Variants in DOK6 observed in about 807,000 individuals in gnomAD.
The protein encoded by DOK6 is downstream of tyrosine kinase 6.
A neutral mutation model predicts 44.0 loss-of-function variants in DOK6; 22 were observed. The observed-to-expected ratio is 0.50, with a 90% confidence interval of 0.36 to 0.71. DOK6 has a LOEUF of 0.71. Ranked by LOEUF, DOK6 falls within the 30% of genes least tolerant of loss-of-function variation. The probability of loss-of-function intolerance (pLI) is 0.00; values close to 1 mark genes in which losing one functional copy is unlikely to be tolerated. For missense variants in DOK6, 340 were observed against 416.4 expected (o/e 0.82, Z 1.60); for synonymous variants, 166 against 145.5 (o/e 1.14, Z -1.01).
intron 2 of DOK6, among the ~76,000 whole-genome samples, chr18:69,591,715 G>C (rs1247624194): frequency 6.6e-6 from 1 of 151,962 alleles, no homozygotes; most frequent in Non-Finnish European, 1.5e-5. Context: ...AACCATAATG[G>C]ATAAAAGACT....
chr18:69,664,657 G>A (rs919736773), intron 3 of DOK6, among the ~76,000 whole-genome samples: 2 of 152,038 alleles, frequency 1.3e-5, no homozygotes, highest in Non-Finnish European at 2.9e-5. Context: ...AGGCACTCAG[G>A]GCTTCTCAGA....
chr18:69,700,745 T>G (rs72965531), intron 5 of DOK6, among the ~76,000 whole-genome samples: 13,815 of 152,240 alleles, frequency 0.091, 737 homozygotes, highest in Non-Finnish European at 0.13. Context: ...GGGAAGGTCT[T>G]GTCCATACTT....
intron 1 of DOK6, among the ~76,000 whole-genome samples, chr18:69,520,224 G>C (rs1238086523): frequency 6.6e-6 from 1 of 151,516 alleles, no homozygotes; most frequent in African/African-American, 2.4e-5. Flanking sequence ...AAAAAATAAT[G>C]CTTTTTAAAG....
rs368830588 is a variant in DOK6, at chr18:69,579,819, TGGAGAGATTCTCTCACGA to T, written c.174+15234_174+15251del. 1.3e-3 allele frequency among the ~76,000 whole-genome samples: 201 copies of T among 152,202 alleles called. 1 individual carries two copies. The highest frequency in any genetic ancestry group is 4.5e-3 in the African/African-American group (186 of 41,540). On this transcript the variant is annotated intron_variant, in intron 2 of 7. Coordinates refer to ENST00000382713, the MANE Select transcript of DOK6 (RefSeq NM_152721.6). Reference sequence around the variant, plus strand: ...GGATGGTCTCGATCTCCTAACCTCATGGAGAGATTCTCTCACGAGGAGAGATCCTCGTGGAGCGGTCGA... The same window carrying T: ...GGATGGTCTCGATCTCCTAACCTCATGGAGAGATCCTCGTGGAGCGGTCGA...
intron 3 of DOK6, among the ~76,000 whole-genome samples, chr18:69,667,126 C>T (rs931430164): frequency 1.3e-5 from 2 of 152,102 alleles, no homozygotes; most frequent in East Asian, 1.9e-4. Context: ...TTTCTCCTGC[C>T]TCTTTCATCT....
rs1599289944 is a variant in DOK6, at chr18:69,727,698, A to G, written c.600-11267A>G. ...CAGACAAGGGAGTAAAAGTTTTGCTATTTGAAATTGCAGATGCTTTACAAC... is the reference window on the plus strand; with the variant it reads ...CAGACAAGGGAGTAAAAGTTTTGCTGTTTGAAATTGCAGATGCTTTACAAC... On this transcript the variant is annotated intron_variant, in intron 5 of 7. Coordinates refer to ENST00000382713, the MANE Select transcript of DOK6 (RefSeq NM_152721.6). Among the ~76,000 whole-genome samples the G allele has an allele frequency of 7.9e-5, 12 of 152,340 alleles. 1 individual carries two copies. In the South Asian group the frequency reaches 2.5e-3, roughly 32 times the overall value.
chr18:69,589,118 T>C (rs1278777347), intron 2 of DOK6, among the ~76,000 whole-genome samples: 1 of 152,140 alleles, frequency 6.6e-6, no homozygotes, highest in Non-Finnish European at 1.5e-5. Context: ...TATGCAAATT[T>C]CATGATCCAG....
intron 3 of DOK6, among the ~76,000 whole-genome samples, chr18:69,635,247 G>A (rs1022002862): frequency 1.3e-5 from 2 of 152,034 alleles, no homozygotes; most frequent in South Asian, 2.1e-4. Context: ...TCTCTAATGC[G>A]AGGTGGAAAC....
rs34656265 is a variant in DOK6 at position 69,825,427 on chromosome 18, C to CTTT, written c.857-15793_857-15791dup. ...GCAAACGGTTTATCAATCATAACTT[C>CTTT]TTTTTTTTTTTTTTTTTTTTTTTTT... is the stretch of plus-strand genomic sequence containing the variant. On this transcript the variant is annotated intron_variant, in intron 7 of 7. Transcript: ENST00000382713. Among the ~76,000 whole-genome samples the CTTT allele has an allele frequency of 5.7e-4, 47 of 82,952 alleles. 1 individual carries two copies. The highest frequency in any genetic ancestry group is 8.1e-4 in the Non-Finnish European group (35 of 43,008). 54.4% of individuals were successfully genotyped at this position (82,952 alleles called of 152,430 possible).
intron 7 of DOK6, among the ~76,000 whole-genome samples, chr18:69,807,572 T>A (rs768224689): frequency 2.6e-5 from 4 of 151,820 alleles, no homozygotes; most frequent in Non-Finnish European, 5.9e-5. Flanking sequence ...TAAGGACACA[T>A]ATAGACTGAA....
At chr18:69,513,931 G>T (rs1365381989) in intron 1 of DOK6, among the ~76,000 whole-genome samples, 1 of 151,776 alleles carries the variant, frequency 6.6e-6, no homozygotes, top group East Asian at 1.9e-4. Flanking sequence ...TAAAATGTTA[G>T]GTATCTCGTA....
At chr18:69,566,993 G>C (rs1403914340) in intron 2 of DOK6, among the ~76,000 whole-genome samples, 1 of 152,172 alleles carries the variant, frequency 6.6e-6, no homozygotes, top group African/African-American at 2.4e-5. Flanking sequence ...AGTGCTCAGA[G>C]CTAAGGAAAA....
chr18:69,757,719 TA>T, intron 6 of DOK6, 36 bp from the exon 7 acceptor site: 1 of 1,567,052 alleles, frequency 6.4e-7, no homozygotes, highest in African/African-American at 1.4e-5. Context: ...TTTAATATTT[TA>T]AAACGAGGCC....
chr18:69,593,432 C>A (rs1006319047), intron 2 of DOK6, among the ~76,000 whole-genome samples: 13 of 151,556 alleles, frequency 8.6e-5, no homozygotes, highest in African/African-American at 2.7e-4. Flanking sequence ...TTATATTTTT[C>A]TTTTCTGGTA....
chr18:69,566,110 G>GGTTT (rs1568298264), intron 2 of DOK6, among the ~76,000 whole-genome samples: 45 of 131,784 alleles, frequency 3.4e-4, no homozygotes, highest in African/African-American at 1.1e-3. Flanking sequence ...AGTACAGCTC[G>GGTTT]GTTTATTTAT....
intron 7 of DOK6, among the ~76,000 whole-genome samples, chr18:69,814,994 T>A (rs965327937): frequency 1.3e-5 from 2 of 152,134 alleles, no homozygotes; most frequent in Non-Finnish European, 2.9e-5. Flanking sequence ...ATTTTTTTTC[T>A]GAGGTCATTG....
intron 5 of DOK6, among the ~76,000 whole-genome samples, chr18:69,706,354 A>G (rs1986632706): frequency 6.6e-6 from 1 of 152,140 alleles, no homozygotes; most frequent in East Asian, 1.9e-4. Context: ...GGTTTTCAGA[A>G]GAATTATTTA....
At chr18:69,497,489 G>C (rs1297894726) in intron 1 of DOK6, among the ~76,000 whole-genome samples, 1 of 152,066 alleles carries the variant, frequency 6.6e-6, no homozygotes, top group Non-Finnish European at 1.5e-5. Flanking sequence ...TGGGTATAGG[G>C]GCTGACTTGG....
At chr18:69,755,175 AC>A (rs1979314546) in intron 6 of DOK6, among the ~76,000 whole-genome samples, 2 of 152,210 alleles carry the variant, frequency 1.3e-5, no homozygotes, top group South Asian at 4.1e-4. Context: ...GAGGCGTAAA[AC>A]AATACAGGGT....
Sources: allele counts gnomAD v4.1 joint callset (sites outside exome capture counted in the v4.1 genomes callset), GRCh38; gene constraint gnomAD v4.1.1; transcripts MANE v1.5; gene names NCBI Gene and HGNC (gene_info 2026-07-23, HGNC 2026-07-21).